Variants in NFIB observed in about 807,000 individuals in gnomAD.
NFIB encodes nuclear factor I B, also known as nuclear factor 1 B-type.
A neutral mutation model predicts 61.5 loss-of-function variants in NFIB; 11 were observed. The observed-to-expected ratio is 0.18, with a 90% CI of 0.11 to 0.30. The LOEUF is 0.30. Among genes scored for constraint, NFIB ranks in the 10% least tolerant of loss-of-function variants. The pLI is 1.00. For missense variants in NFIB, 471 were observed against 608.9 expected (o/e 0.77, Z 2.38); for synonymous variants, 260 against 216.5 (o/e 1.20, Z -1.76).
chr9:14,144,033 T>TGTGTGTGTGTGTGTGTG (rs55863803), intron 6 of NFIB, among the ~76,000 whole-genome samples: 54 of 149,950 alleles, frequency 3.6e-4, no homozygotes, highest in Admixed American at 6.7e-4. Flanking sequence ...TGTGTGTGTG[T>TGTGTGTGTGTGTGTGTG]TTAAAATGCA....
At chr9:14,381,069 G>A (rs1375758521) in intron 1 of NFIB, among the ~76,000 whole-genome samples, 4 of 61,572 alleles carry the variant, frequency 6.5e-5, no homozygotes, top group Admixed American at 6.0e-4. Flanking sequence ...GCGAGACTCC[G>A]TCTCAAAAAA....
chr9:14,478,665 C>T, the NFIB span, among the ~76,000 whole-genome samples: 13 of 152,162 alleles, frequency 8.5e-5, no homozygotes, highest in Non-Finnish European at 4.4e-5. Context: ...CAACCTTACT[C>T]TTTTTAATGG....
chr9:14,190,341 A>G lies in NFIB; in HGVS notation c.563-10561T>C, dbSNP rs1316052831. Among the ~76,000 whole-genome samples the G allele has an allele frequency of 6.6e-5, 10 of 152,194 alleles. No homozygotes were observed. The East Asian group carries it at 1.9e-3, about 29-fold the overall frequency. ...AACAGAGTAAGATGATGCATAGCCTACTTTCTACAAAGGTAAAGTAGATTT... is the reference window on the plus strand; with the variant it reads ...AACAGAGTAAGATGATGCATAGCCTGCTTTCTACAAAGGTAAAGTAGATTT... On this transcript the variant is annotated intron_variant, in intron 2 of 10. Transcript: ENST00000380953.
At chr9:14,229,350 C>T (rs1003285211) in intron 2 of NFIB, among the ~76,000 whole-genome samples, 6 of 152,122 alleles carry the variant, frequency 3.9e-5, no homozygotes, top group African/African-American at 9.7e-5. Context: ...AGTCTAAAGA[C>T]GATGGCCTTA....
chr9:14,250,267 C>CTT lies in NFIB; in HGVS notation c.562+56720_562+56721dup, dbSNP rs3834711. ...TAGACAGTGTCTGTGCATATAATAT[C>CTT]TTTTTTTGTTTTCTTTATGTAAGTT... On this transcript the variant is annotated intron_variant, in intron 2 of 10. Transcript: ENST00000380953. Among the ~76,000 whole-genome samples, 7 of 151,918 alleles carry CTT rather than the reference C, an allele frequency of 4.6e-5. No homozygotes were observed. The Middle Eastern group carries it at 0.01, about 223-fold the overall frequency.
At chr9:14,145,210 C>T (rs1277053294) in intron 6 of NFIB, among the ~76,000 whole-genome samples, 1 of 152,034 alleles carries the variant, frequency 6.6e-6, no homozygotes, top group Non-Finnish European at 1.5e-5. Flanking sequence ...CTATTATTTC[C>T]CTCCATGTGC....
intron 6 of NFIB, among the ~76,000 whole-genome samples, chr9:14,128,651 T>C (rs997579122): frequency 6.9e-6 from 1 of 144,694 alleles, no homozygotes; most frequent in African/African-American, 2.6e-5. Context: ...TGAGCCAAGA[T>C]AGTGTCATTG....
intron 9 of NFIB, among the ~76,000 whole-genome samples, chr9:14,113,401 C>G (rs1052595595): frequency 6.6e-6 from 1 of 152,108 alleles, no homozygotes; most frequent in Non-Finnish European, 1.5e-5. Flanking sequence ...GGGCCCTGTT[C>G]CTAGACGTAC....
intron 2 of NFIB, among the ~76,000 whole-genome samples, chr9:14,228,569 A>C (rs2052735422): frequency 6.6e-6 from 1 of 152,220 alleles, no homozygotes; most frequent in African/African-American, 2.4e-5. Flanking sequence ...TTTAGTGGTC[A>C]AAACAGTAAA....
intron 4 of NFIB, among the ~76,000 whole-genome samples, chr9:14,151,420 C>G (rs1036324536): frequency 1.3e-5 from 2 of 152,114 alleles, no homozygotes; most frequent in African/African-American, 2.4e-5. Flanking sequence ...AAAATAGTCT[C>G]ATATATTGCC....
At chr9:14,489,795 CAT>C in the NFIB span, among the ~76,000 whole-genome samples, 2 of 151,866 alleles carry the variant, frequency 1.3e-5, no homozygotes, top group Non-Finnish European at 2.9e-5. Flanking sequence ...TTATTTTATA[CAT>C]ATGTATTAAA....
At chr9:14,207,416 G>A (rs1358161131) in intron 2 of NFIB, among the ~76,000 whole-genome samples, 2 of 152,224 alleles carry the variant, frequency 1.3e-5, no homozygotes, top group Admixed American at 6.5e-5. Flanking sequence ...GCCACTGACT[G>A]TGGGGAGTTT....
chr9:14,261,308 C>T (rs1381408027), intron 2 of NFIB, among the ~76,000 whole-genome samples: 1 of 151,930 alleles, frequency 6.6e-6, no homozygotes, highest in Admixed American at 6.5e-5. Flanking sequence ...TAGAGCAGGA[C>T]TCCGTCTCAA....
At chr9:14,112,188 G>A (rs957603022) in intron 10 of NFIB, among the ~76,000 whole-genome samples, 1 of 152,158 alleles carries the variant, frequency 6.6e-6, no homozygotes, top group Non-Finnish European at 1.5e-5. Flanking sequence ...ATCAAAACTT[G>A]AGAGCAGCAA....
the NFIB span, among the ~76,000 whole-genome samples, chr9:14,488,407 G>A: frequency 1.3e-4 from 20 of 152,134 alleles, no homozygotes; most frequent in African/African-American, 4.6e-4. Context: ...AAAAATGGAG[G>A]TTCCCAGTCA....
At chr9:14,368,460 C>T (rs1274987696) in intron 1 of NFIB, among the ~76,000 whole-genome samples, 1 of 152,198 alleles carries the variant, frequency 6.6e-6, no homozygotes, top group Non-Finnish European at 1.5e-5. Flanking sequence ...GAAAAGAACT[C>T]TGTAGCTACG....
At chr9:14,229,651 G>C (rs1056245336) in intron 2 of NFIB, among the ~76,000 whole-genome samples, 3 of 152,134 alleles carry the variant, frequency 2.0e-5, no homozygotes, top group Non-Finnish European at 4.4e-5. Context: ...ATAAATTCTT[G>C]AAGGAAGCCA....
the NFIB span, among the ~76,000 whole-genome samples, chr9:14,427,948 T>TGTTTTG: frequency 9.6e-6 from 1 of 104,034 alleles, no homozygotes; most frequent in South Asian, 4.0e-4. Flanking sequence ...TTTTTTTTTT[T>TGTTTTG]TTTTTTTTTT....
At chr9:14,240,410 T>A (rs1230860848) in intron 2 of NFIB, among the ~76,000 whole-genome samples, 1 of 152,172 alleles carries the variant, frequency 6.6e-6, no homozygotes, top group African/African-American at 2.4e-5. Flanking sequence ...GCCAAAAGAA[T>A]TTAAATTGCC....
Sources: allele counts gnomAD v4.1 joint callset (sites outside exome capture counted in the v4.1 genomes callset), GRCh38; gene constraint gnomAD v4.1.1; transcripts MANE v1.5; gene names NCBI Gene and HGNC (gene_info 2026-07-23, HGNC 2026-07-21).